DDX60: variants seen among roughly 807,000 people sequenced by gnomAD.
DDX60 encodes probable ATP-dependent RNA helicase DDX60.
In DDX60, 165 loss-of-function variants were observed where a neutral mutation model predicts 212.8. The ratio of observed to expected loss-of-function variants is 0.78; its 90% CI spans 0.68 to 0.88. DDX60 has a LOEUF of 0.88. DDX60 is among the 40% of genes least tolerant of loss of function. The pLI is 0.00. For synonymous variants in DDX60, 703 were observed against 685.3 expected, an observed-to-expected ratio of 1.03 and a Z score of -0.40; for missense variants, 1,905 against 2,003.9, an observed-to-expected ratio of 0.95 and a Z score of 0.94.
chr4:168,324,740 TCCATCGC>T, the DDX60 span, among the ~76,000 whole-genome samples: 1 of 152,224 alleles, frequency 6.6e-6, no homozygotes, highest in South Asian at 2.1e-4. Context: ...GAACCAATGG[TCCATCGC>T]CTTTTTAAAG....
At chr4:168,297,354 GAAA>G (rs1736424463) in intron 6 of DDX60, among the ~76,000 whole-genome samples, 2 of 72,104 alleles carry the variant, frequency 2.8e-5, no homozygotes, top group Admixed American at 2.4e-4. Flanking sequence ...AAGAAAGAAA[GAAA>G]GAAAGAAAGA....
At position 168,276,158 on chromosome 4, in the gene DDX60, T is replaced by C. The variant is rs1399925432; in HGVS notation, c.2002A>G (p.Ile668Val). The C allele has an allele frequency of 1.2e-6, 2 of 1,608,504 alleles. No homozygotes were observed. Among genetic ancestry groups the C allele is most frequent in the South Asian group, 1.1e-5 (1 of 89,930 alleles). Residue 668 changes from isoleucine to valine, a missense_variant, in exon 15 of 38, where the codon ATA becomes GTA. By Grantham distance (29) the Ile-to-Val change is conservative. Transcript: ENST00000393743. ...ATCCTTTTCATCACCTGAACAGCTA[T>C]ACTTAAATCTTTCGTGGTTTTACCT... ...EEGKTTKDLS[I>V]AVQVMKRIHS...
intron 3 of DDX60, among the ~76,000 whole-genome samples, chr4:168,309,313 G>A (rs1330629164): frequency 6.6e-6 from 1 of 152,150 alleles, no homozygotes; most frequent in African/African-American, 2.4e-5. Flanking sequence ...AAAAAGCAGA[G>A]AAAGTCATGA....
At chr4:168,287,386 G>T (rs903882066) in intron 9 of DDX60, among the ~76,000 whole-genome samples, 183 bp from the exon 10 acceptor site, 2 of 152,144 alleles carry the variant, frequency 1.3e-5, no homozygotes, top group African/African-American at 4.8e-5. Context: ...GATACAGATT[G>T]TAAAGTTTAT....
At position 168,275,367 on chromosome 4, in the gene DDX60, T is replaced by A; in HGVS notation, c.2282A>T (p.Asp761Val). The A allele has an allele frequency of 6.2e-7, 1 of 1,611,120 alleles. No individual in the cohort carries two copies. Among genetic ancestry groups the A allele is most frequent in the Admixed American group, 1.7e-5 (1 of 59,668 alleles). ...TACCTGCCATGTGTCGGGAATAAAA[T>A]CCTGGACCCTGGGATCTGGGTCTTT... The part of the protein sequence containing the change: ...ERKDPDPRVQ[D>V]FIPDTWQREL... The change falls in exon 16 of 38, where the codon GAT (aspartate) becomes GTT (valine). Residue 761 changes from aspartate to valine, a missense_variant. By Grantham distance (152) the Asp-to-Val change is radical. Transcript: ENST00000393743.
upstream of DDX60, among the ~76,000 whole-genome samples, chr4:168,322,400 C>G (rs1737624983): frequency 6.6e-6 from 1 of 152,194 alleles, no homozygotes; most frequent in Non-Finnish European, 1.5e-5. Context: ...TCTTGAGTCT[C>G]TTGACTCTTC....
At chr4:168,275,994 G>A in intron 15 of DDX60, 21 bp downstream of exon 15, 2 of 1,582,208 alleles carry the variant, frequency 1.3e-6, no homozygotes, top group Non-Finnish European at 1.7e-6. Context: ...TGTTGAAATT[G>A]AGCTATTCTG....
At chr4:168,286,940 T>A in intron 10 of DDX60, 108 bp downstream of exon 10, 2 of 777,170 alleles carry the variant, frequency 2.6e-6, no homozygotes, top group Non-Finnish European at 3.9e-6. Context: ...TTATTAAAAT[T>A]CAAGTGCCAG....
chr4:168,318,256 T>C (rs1737489280), intron 1 of DDX60, among the ~76,000 whole-genome samples: 1 of 152,156 alleles, frequency 6.6e-6, no homozygotes, highest in South Asian at 2.1e-4. Context: ...CTTGCTGCTG[T>C]CAATGTACAG....
At chr4:168,243,581 A>G (rs767409124) in intron 30 of DDX60, among the ~76,000 whole-genome samples, 2 of 152,198 alleles carry the variant, frequency 1.3e-5, no homozygotes, top group Non-Finnish European at 2.9e-5. Flanking sequence ...CAGAATGGCA[A>G]TTATTAAAAA....
At chr4:168,233,342 G>T (rs1432168349) in intron 33 of DDX60, among the ~76,000 whole-genome samples, 1 of 152,044 alleles carries the variant, frequency 6.6e-6, no homozygotes, top group African/African-American at 2.4e-5. Flanking sequence ...ATTTGATCCA[G>T]CAATCCCACT....
At chr4:168,239,413 G>A (rs1208524509) in intron 30 of DDX60, among the ~76,000 whole-genome samples, 2 of 151,214 alleles carry the variant, frequency 1.3e-5, no homozygotes, top group African/African-American at 4.9e-5. Flanking sequence ...TAGATAGATA[G>A]AGGTAGGTAG....
chr4:168,290,740 G>A (rs192589292), intron 8 of DDX60, among the ~76,000 whole-genome samples: 28 of 152,160 alleles, frequency 1.8e-4, no homozygotes, highest in African/African-American at 5.1e-4. Context: ...CTATGATTCC[G>A]TCTTCATAAT....
At position 168,237,314 on chromosome 4, in the gene DDX60, G is replaced by T. The variant is rs755906629; in HGVS notation, c.4383C>A (p.Phe1461Leu). The change falls in exon 32 of 38, where the codon TTC becomes TTA. Residue 1461 changes from phenylalanine to leucine, a missense_variant. Physicochemically the swap from Phe to Leu is conservative, Grantham distance 22. Transcript: ENST00000393743. The stretch of plus-strand genomic sequence containing the variant: ...TCCTGGTTGGCTGACAGAGATCATG[G>T]AAGAGTCCATTTACAAGAAAACTGA... ...VFVSFLVNGLFHDLCQPTRKG... is the reference protein window; with the variant it reads ...VFVSFLVNGLLHDLCQPTRKG... The T allele has an allele frequency of 6.3e-7, 1 of 1,582,812 alleles. No individual in the cohort carries two copies. The highest frequency in any genetic ancestry group is 8.6e-7 in the Non-Finnish European group (1 of 1,165,042).
chr4:168,224,812 ATTC>A (rs200067114), intron 34 of DDX60, among the ~76,000 whole-genome samples: 5,439 of 152,058 alleles, frequency 0.036, 136 homozygotes, highest in Non-Finnish European at 0.054. Context: ...TTCCATTTAT[ATTC>A]TTATAAAACC....
intron 30 of DDX60, among the ~76,000 whole-genome samples, chr4:168,239,544 G>T (rs1733764689): frequency 6.6e-6 from 1 of 152,178 alleles, no homozygotes; most frequent in East Asian, 1.9e-4. Flanking sequence ...AAGGAACATT[G>T]TCAATGCAGC....
At chr4:168,236,958 TA>T (rs1262619837) in intron 32 of DDX60, among the ~76,000 whole-genome samples, 1 of 151,312 alleles carries the variant, frequency 6.6e-6, no homozygotes, top group African/African-American at 2.4e-5. Flanking sequence ...ATCCTTTTTC[TA>T]TGATGAATAT....
intron 25 of DDX60, among the ~76,000 whole-genome samples, chr4:168,258,554 T>A (rs979798812): frequency 6.6e-6 from 1 of 152,176 alleles, no homozygotes; most frequent in African/African-American, 2.4e-5. Flanking sequence ...TGATCTGGGA[T>A]CAAATTGTGT....
At chr4:168,237,009 G>A (rs941178923) in intron 32 of DDX60, among the ~76,000 whole-genome samples, 1 of 151,182 alleles carries the variant, frequency 6.6e-6, no homozygotes, top group Non-Finnish European at 1.5e-5. Flanking sequence ...TCTAAAAAGT[G>A]TATATTATTT....
Sources: allele counts gnomAD v4.1 joint callset (sites outside exome capture counted in the v4.1 genomes callset), GRCh38; gene constraint gnomAD v4.1.1; transcripts MANE v1.5; gene names NCBI Gene and HGNC (gene_info 2026-07-23, HGNC 2026-07-21).